Variants in GPC6 observed in about 807,000 individuals in gnomAD.
The protein encoded by GPC6 is glypican-6.
Under a neutral mutation model 55.2 loss-of-function variants are expected in GPC6, and 14 were observed. That is an observed-to-expected ratio of 0.25 (90% CI 0.17 to 0.40). The LOEUF is 0.40. Among genes scored for constraint, GPC6 ranks in the 10% least tolerant of loss-of-function variants. The pLI, the probability that GPC6 is intolerant of heterozygous loss-of-function variation, is 1.00. For missense variants in GPC6, 641 were observed against 708.5 expected, an observed-to-expected ratio of 0.90 and a Z score of 1.08; for synonymous variants, 278 against 259.6, an observed-to-expected ratio of 1.07 and a Z score of -0.68.
intron 4 of GPC6, among the ~76,000 whole-genome samples, chr13:94,185,992 GGAGCTTACAGT>G (rs1566516834): frequency 8.4e-6 from 1 of 118,996 alleles, no homozygotes; most frequent in South Asian, 2.8e-4. Flanking sequence ...CCCGGGAGGC[GGAGCTTACAGT>G]GAGCCGAGAT....
At chr13:93,841,936 T>A (rs1566563864) in intron 3 of GPC6, among the ~76,000 whole-genome samples, 2 of 152,166 alleles carry the variant, frequency 1.3e-5, no homozygotes. Context: ...CATAAATACA[T>A]TAATTACGGA....
intron 3 of GPC6, among the ~76,000 whole-genome samples, chr13:93,897,865 G>A (rs1037182379): frequency 1.3e-5 from 2 of 152,182 alleles, no homozygotes; most frequent in Middle Eastern, 3.4e-3. Flanking sequence ...TCTTTTTAAT[G>A]TATTTATTAG....
intron 3 of GPC6, among the ~76,000 whole-genome samples, chr13:93,999,493 T>C (rs1649935442): frequency 6.6e-6 from 1 of 152,190 alleles, no homozygotes; most frequent in Non-Finnish European, 1.5e-5. Context: ...TAAACATACG[T>C]GTGCACATGT....
chr13:94,224,206 G>A (rs1489398398), intron 4 of GPC6, among the ~76,000 whole-genome samples: 1 of 150,646 alleles, frequency 6.6e-6, no homozygotes, highest in Non-Finnish European at 1.5e-5. Flanking sequence ...ACTGAGTTCA[G>A]TTGGAATGAA....
chr13:93,809,255 A>G (rs1028074078), intron 2 of GPC6, among the ~76,000 whole-genome samples: 2 of 152,170 alleles, frequency 1.3e-5, no homozygotes, highest in Non-Finnish European at 1.5e-5. Flanking sequence ...AGTTCCCAGG[A>G]TCAGTGACCA....
At chr13:93,843,496 A>G (rs1888037015) in intron 3 of GPC6, among the ~76,000 whole-genome samples, 1 of 152,168 alleles carries the variant, frequency 6.6e-6, no homozygotes, top group African/African-American at 2.4e-5. Flanking sequence ...CATGAACAAT[A>G]CCTTCCATTG....
intron 1 of GPC6, among the ~76,000 whole-genome samples, chr13:93,539,371 T>A (rs1412532504): frequency 1.3e-5 from 2 of 152,166 alleles, no homozygotes; most frequent in Non-Finnish European, 2.9e-5. Flanking sequence ...TGATCGGGAA[T>A]ACCCTTGTAG....
intron 1 of GPC6, among the ~76,000 whole-genome samples, chr13:93,290,358 A>G (rs563064268): frequency 1.3e-5 from 2 of 152,276 alleles, no homozygotes; most frequent in South Asian, 2.1e-4. Flanking sequence ...TCTGTCCAGA[A>G]ATTCAGTGAT....
chr13:93,410,658 A>G (rs1344467950), intron 1 of GPC6, among the ~76,000 whole-genome samples: 5 of 152,162 alleles, frequency 3.3e-5, no homozygotes, highest in African/African-American at 9.7e-5. Flanking sequence ...GGGCCTCCAC[A>G]GTATATTAAA....
intron 2 of GPC6, among the ~76,000 whole-genome samples, chr13:93,713,747 A>G (rs1476022752): frequency 6.6e-6 from 1 of 151,742 alleles, no homozygotes; most frequent in East Asian, 1.9e-4. Flanking sequence ...TACTTAATGT[A>G]AACTTCATGT....
intron 3 of GPC6, among the ~76,000 whole-genome samples, chr13:93,959,218 A>G (rs1879654834): frequency 6.7e-6 from 1 of 148,504 alleles, no homozygotes; most frequent in African/African-American, 2.5e-5. Context: ...GCTGGAGTGC[A>G]GTGGTGTGAT....
At chr13:93,901,964 G>A (rs1876383114) in intron 3 of GPC6, among the ~76,000 whole-genome samples, 1 of 149,430 alleles carries the variant, frequency 6.7e-6, no homozygotes, top group Non-Finnish European at 1.5e-5. Context: ...ACATATGTAT[G>A]AAGTACAGTG....
At chr13:93,983,411 G>A (rs1880890812) in intron 3 of GPC6, among the ~76,000 whole-genome samples, 3 of 151,978 alleles carry the variant, frequency 2.0e-5, no homozygotes, top group Admixed American at 2.0e-4. Flanking sequence ...ACATAACACT[G>A]AGTTTATTAA....
chr13:93,536,997 T>G (rs775723652), intron 1 of GPC6, among the ~76,000 whole-genome samples: 4 of 152,210 alleles, frequency 2.6e-5, no homozygotes, highest in African/African-American at 4.8e-5. Context: ...TTTGAAAATA[T>G]TCCACGAGAG....
chr13:94,156,391 A>G (rs1887939909), intron 4 of GPC6, among the ~76,000 whole-genome samples: 1 of 152,198 alleles, frequency 6.6e-6, no homozygotes, highest in Non-Finnish European at 1.5e-5. Flanking sequence ...ACATATAGAT[A>G]CAGATATAGA....
At chr13:93,255,909 G>T (rs1440178169) in intron 1 of GPC6, among the ~76,000 whole-genome samples, 1 of 151,994 alleles carries the variant, frequency 6.6e-6, no homozygotes, top group Non-Finnish European at 1.5e-5. Context: ...CAAAGTTGAT[G>T]GATTACTGGA....
intron 6 of GPC6, among the ~76,000 whole-genome samples, chr13:94,380,830 C>G (rs901748768): frequency 6.6e-6 from 1 of 152,210 alleles, no homozygotes; most frequent in African/African-American, 2.4e-5. Context: ...CCAGAGCCCT[C>G]TGCTGCATTT....
intron 4 of GPC6, among the ~76,000 whole-genome samples, chr13:94,239,731 G>A (rs1359995312): frequency 2.0e-5 from 3 of 152,144 alleles, no homozygotes; most frequent in East Asian, 3.9e-4. Context: ...GTTAAGCGTT[G>A]CCTTGCTAGT....
intron 3 of GPC6, among the ~76,000 whole-genome samples, chr13:93,938,057 C>T (rs563482047): frequency 7.6e-5 from 11 of 145,282 alleles, no homozygotes; most frequent in African/African-American, 2.8e-4. Flanking sequence ...CCAAAAATAT[C>T]TCTTATGATC....
Sources: gnomAD v4.1 joint callset for allele counts (sites outside exome capture counted in the v4.1 genomes callset) on GRCh38, gnomAD v4.1.1 for gene constraint, MANE v1.5 for transcripts, NCBI Gene and HGNC (gene_info 2026-07-23, HGNC 2026-07-21) for gene names.